Variants in TCF7L2 observed in about 807,000 individuals in gnomAD.
The protein encoded by TCF7L2 is transcription factor 7-like 2.
Under a neutral mutation model 77.9 loss-of-function variants are expected in TCF7L2, and 23 were observed. The ratio of observed to expected loss-of-function variants is 0.30; its 90% CI spans 0.21 to 0.42. The LOEUF is 0.42. Among genes scored for constraint, TCF7L2 ranks in the 10% least tolerant of loss-of-function variants. TCF7L2 has a pLI of 1.00. For synonymous variants in TCF7L2, 413 were observed against 340.2 expected, an observed-to-expected ratio of 1.21 and a Z score of -2.36; for missense variants, 654 against 793.1, an observed-to-expected ratio of 0.82 and a Z score of 2.11.
intron 5 of TCF7L2, among the ~76,000 whole-genome samples, chr10:113,071,825 G>C (rs1416860816): frequency 6.6e-6 from 1 of 152,166 alleles, no homozygotes. Flanking sequence ...GGTCACATTG[G>C]TGCAGATCCT....
At chr10:113,116,327 A>G (rs930390836) in intron 5 of TCF7L2, among the ~76,000 whole-genome samples, 4 of 152,250 alleles carry the variant, frequency 2.6e-5, no homozygotes, top group Non-Finnish European at 5.9e-5. Flanking sequence ...TAAAAGCACA[A>G]TAGGACTTTG....
rs2074074751 is a variant in TCF7L2 at position 113,167,117 on chromosome 10, G to C, written c.*1145G>C. 4.4e-6 allele frequency: 1 copy of C among 229,226 alleles called. No homozygotes were observed. Among genetic ancestry groups the C allele is most frequent in the African/African-American group, 2.2e-5 (1 of 45,094 alleles). The allele number at this position is 229,226 out of a possible 1,614,324, so 14.2% of individuals were successfully genotyped here. A position where few individuals can be genotyped will look rare whatever the true frequency, so the allele number is the denominator to read the frequency against. On this transcript the variant is annotated 3_prime_UTR_variant, in exon 14 of 14. Transcript: ENST00000627217. The stretch of plus-strand genomic sequence containing the variant: ...TAGCTTTCTCCCTCTTTTTGATGCT[G>C]TAATTTTTGTTCATCATGTTTTGCT...
At position 113,052,856 on chromosome 10, in the gene TCF7L2, A is replaced by G. The variant is rs546765732; in HGVS notation, c.552+12730A>G. The stretch of plus-strand genomic sequence containing the variant: ...TTTTCCTCCCACCTTTCTATTAGAC[A>G]TTGCATGATACAAAAATCAAGATAT... On this transcript the variant is annotated intron_variant, in intron 5 of 13. Coordinates refer to ENST00000627217, the MANE Select transcript of TCF7L2 (RefSeq NM_001146274.2). 1.2e-4 allele frequency among the ~76,000 whole-genome samples: 19 copies of G among 152,370 alleles called. No individual in the cohort carries two copies. In the South Asian group the frequency reaches 1.7e-3, roughly 13 times the overall value.
In TCF7L2 at chr10:113,167,343, C is replaced by T. The variant is rs1401683377; in HGVS notation, c.*1371C>T. ...ATATTACATACGAGTAGGCAGCAGA[C>T]TTTAAAAATAAAAAAAACCTAGGCA... On this transcript the variant is annotated 3_prime_UTR_variant, in exon 14 of 14. Transcript: ENST00000627217. The T allele has an allele frequency of 4.4e-6, 1 of 226,656 alleles. No homozygotes were observed. Among genetic ancestry groups the T allele is most frequent in the Non-Finnish European group, 8.8e-6 (1 of 114,140 alleles). The allele number at this position is 226,656 out of a possible 1,614,324, so 14.0% of individuals were successfully genotyped here. A position where few individuals can be genotyped will look rare whatever the true frequency, so the allele number is the denominator to read the frequency against.
At chr10:113,034,647 G>C (rs886561890) in intron 4 of TCF7L2, among the ~76,000 whole-genome samples, 1 of 152,170 alleles carries the variant, frequency 6.6e-6, no homozygotes, top group Non-Finnish European at 1.5e-5. Flanking sequence ...TGTAATCCCA[G>C]CACTTTGGGA....
intron 3 of TCF7L2, among the ~76,000 whole-genome samples, chr10:112,959,089 T>G (rs1476993070): frequency 6.6e-6 from 1 of 152,214 alleles, no homozygotes; most frequent in East Asian, 1.9e-4. Flanking sequence ...TAATTATGTT[T>G]TGACGTTGAA....
chr10:113,023,506 C>T (rs2099012496), intron 4 of TCF7L2, among the ~76,000 whole-genome samples: 1 of 152,182 alleles, frequency 6.6e-6, no homozygotes, highest in Non-Finnish European at 1.5e-5. Context: ...GAGTCTCCCT[C>T]TGTCACCCAA....
intron 4 of TCF7L2, among the ~76,000 whole-genome samples, chr10:113,010,552 AC>A (rs1388309132): frequency 6.6e-6 from 1 of 152,194 alleles, no homozygotes; most frequent in African/African-American, 2.4e-5. Context: ...AAGGAGATAG[AC>A]AGTATCATCT....
intron 13 of TCF7L2, among the ~76,000 whole-genome samples, chr10:113,163,123 C>T (rs373148491): frequency 2.0e-5 from 3 of 152,260 alleles, no homozygotes; most frequent in African/African-American, 4.8e-5. Context: ...TTAGGAGACC[C>T]ATTGCTCTGT....
Position 113,166,960 on chromosome 10 carries a change from G to A in TCF7L2, c.*988G>A, listed in dbSNP as rs182519552. The A allele has an allele frequency of 6.1e-5, 14 of 230,942 alleles. No individual in the cohort carries two copies. Among genetic ancestry groups the A allele is most frequent in the East Asian group, 1.8e-4 (3 of 16,258 alleles). 14.3% of individuals were successfully genotyped at this position (230,942 alleles called of 1,614,324 possible). ...TGAAAATGAGTGAGGGAATTTTAGC[G>A]ACACTGTCTGAGCAGCAGTGGGAAC... On this transcript the variant is annotated 3_prime_UTR_variant, in exon 14 of 14. Transcript: ENST00000627217.
intron 8 of TCF7L2, among the ~76,000 whole-genome samples, chr10:113,150,734 C>T (rs1246499208): frequency 8.5e-5 from 13 of 152,124 alleles, no homozygotes; most frequent in Admixed American, 7.9e-4. Flanking sequence ...CGCCCAAGTA[C>T]GTCAGTTGAA....
intron 11 of TCF7L2, among the ~76,000 whole-genome samples, chr10:113,156,856 TG>T (rs2072020388): frequency 6.6e-6 from 1 of 152,232 alleles, no homozygotes; most frequent in Non-Finnish European, 1.5e-5. Context: ...TGTGTGACCC[TG>T]GCAAAGTTAC....
intron 4 of TCF7L2, among the ~76,000 whole-genome samples, chr10:112,990,803 A>G (rs1813747355): frequency 6.6e-6 from 1 of 152,206 alleles, no homozygotes; most frequent in African/African-American, 2.4e-5. Context: ...CACCTTTAAA[A>G]TGGTAATAAC....
chr10:112,989,613 A>C (rs2042167909), intron 4 of TCF7L2, among the ~76,000 whole-genome samples: 1 of 152,168 alleles, frequency 6.6e-6, no homozygotes, highest in Non-Finnish European at 1.5e-5. Context: ...GAGTGTCTGC[A>C]CAAGCCTTTG....
intron 4 of TCF7L2, among the ~76,000 whole-genome samples, chr10:113,026,395 A>G (rs4128597): frequency 0.54 from 81,020 of 150,020 alleles, 24,244 homozygotes; most frequent in African/African-American, 0.8. Context: ...TTCTGACCTC[A>G]TGATCTGCCT....
rs2061824710 is a variant in TCF7L2 at position 113,102,886 on chromosome 10, C to T, written c.553-38298C>T. ...GCTTTTCATAAGTATTATTGTTTCA[C>T]CCTTACAGCTGCCACAGAAGAGAAA... On this transcript the variant is annotated intron_variant, in intron 5 of 13. Coordinates refer to ENST00000627217, the MANE Select transcript of TCF7L2 (RefSeq NM_001146274.2). Among the ~76,000 whole-genome samples the T allele has an allele frequency of 2.0e-5, 3 of 152,128 alleles. No individual in the cohort carries two copies. In the South Asian group the frequency reaches 6.2e-4, roughly 32 times the overall value.
chr10:113,063,198 AC>A (rs1164242416), intron 5 of TCF7L2, among the ~76,000 whole-genome samples: 9 of 152,152 alleles, frequency 5.9e-5, no homozygotes, highest in African/African-American at 2.2e-4. Context: ...CACCCGCCCC[AC>A]CCGATGCCTA....
At chr10:112,998,218 C>T (rs2043855630) in intron 4 of TCF7L2, among the ~76,000 whole-genome samples, 1 of 151,758 alleles carries the variant, frequency 6.6e-6, no homozygotes, top group Admixed American at 6.6e-5. Context: ...GGATTATAGG[C>T]GTGAGCCACC....
At chr10:113,052,168 G>A (rs1245519727) in intron 5 of TCF7L2, among the ~76,000 whole-genome samples, 2 of 152,170 alleles carry the variant, frequency 1.3e-5, no homozygotes, top group South Asian at 2.1e-4. Context: ...CTGCAGCCCC[G>A]AAAGGCTACA....
Sources: gnomAD v4.1 joint callset for allele counts (sites outside exome capture counted in the v4.1 genomes callset) on GRCh38, gnomAD v4.1.1 for gene constraint, MANE v1.5 for transcripts, NCBI Gene and HGNC (gene_info 2026-07-23, HGNC 2026-07-21) for gene names.